Variants in RBFOX1 observed in about 807,000 individuals in gnomAD.
RBFOX1 encodes RNA binding protein fox-1 homolog 1.
RBFOX1 carries 8 observed loss-of-function variants against 57.7 expected under a neutral mutation model. The observed-to-expected ratio is 0.14, with a 90% CI of 0.08 to 0.25. The LOEUF is 0.25. RBFOX1 is among the 10% of genes least tolerant of loss of function. The pLI is 1.00. For synonymous variants in RBFOX1, 326 were observed against 222.4 expected (o/e 1.47, Z -4.15); for missense variants, 611 against 548.5 (o/e 1.11, Z -1.14).
chr16:7,165,965 C>CACAT (rs749385448), intron 4 of RBFOX1, among the ~76,000 whole-genome samples: 9 of 147,314 alleles, frequency 6.1e-5, no homozygotes, highest in African/African-American at 1.8e-4. Context: ...CACACACACA[C>CACAT]ATACATACAT....
Position 5,897,552 on chromosome 16 carries a change from C to T in RBFOX1, c.351+30217C>T, listed in dbSNP as rs112305788. On this transcript the variant is annotated intron_variant, in intron 4 of 19. Coordinates refer to the RBFOX1 transcript ENST00000641259. ...TGGGAAAATATATAGTGATGACCCC[C>T]GGGGTTTGCTCCACTTAATATAAAA... Among the ~76,000 whole-genome samples the T allele has an allele frequency of 3.2e-4, 48 of 152,248 alleles. 1 individual carries two copies. The highest frequency in any genetic ancestry group is 1.1e-3 in the African/African-American group (45 of 41,552).
chr16:5,968,306 A>C (rs749257366), intron 4 of RBFOX1, among the ~76,000 whole-genome samples: 37 of 151,912 alleles, frequency 2.4e-4, no homozygotes, highest in Non-Finnish European at 4.4e-4. Context: ...AACTCCTGAC[A>C]TCACATGATC....
intron 4 of RBFOX1, among the ~76,000 whole-genome samples, chr16:7,272,781 A>G (rs964829729): frequency 3.3e-5 from 5 of 152,102 alleles, no homozygotes; most frequent in Non-Finnish European, 7.4e-5. Flanking sequence ...CTTGCTTTGT[A>G]TTCTTTTCAC....
chr16:5,464,874 C>A (rs993509211), intron 1 of RBFOX1, among the ~76,000 whole-genome samples: 1 of 152,100 alleles, frequency 6.6e-6, no homozygotes, highest in Non-Finnish European at 1.5e-5. Flanking sequence ...GCTCTAGGAG[C>A]CCAGGAGGAA....
chr16:5,570,711 G>A (rs765828125), intron 2 of RBFOX1, among the ~76,000 whole-genome samples: 8 of 151,904 alleles, frequency 5.3e-5, no homozygotes, highest in South Asian at 2.1e-4. Context: ...TTGTTGGTGC[G>A]CACCTGTAAT....
intron 2 of RBFOX1, among the ~76,000 whole-genome samples, chr16:5,491,444 T>C (rs1291275319): frequency 6.6e-6 from 1 of 152,250 alleles, no homozygotes; most frequent in Non-Finnish European, 1.5e-5. Flanking sequence ...TGCATACATA[T>C]ATTCACCAAG....
intron 3 of RBFOX1, among the ~76,000 whole-genome samples, chr16:5,654,360 G>A (rs1317483465): frequency 1.3e-5 from 2 of 152,158 alleles, no homozygotes; most frequent in South Asian, 4.1e-4. Context: ...CTGGAAATGG[G>A]CCATGCTGTA....
intron 14 of RBFOX1, among the ~76,000 whole-genome samples, chr16:7,699,329 G>C (rs369870548): frequency 6.6e-5 from 10 of 152,268 alleles, no homozygotes; most frequent in South Asian, 4.1e-4. Flanking sequence ...GTAGCTGGGA[G>C]TACAGGCAGG....
chr16:5,325,185 T>G (rs2064532621), intron 1 of RBFOX1, among the ~76,000 whole-genome samples: 1 of 152,138 alleles, frequency 6.6e-6, no homozygotes, highest in Admixed American at 6.5e-5. Context: ...TGGCCCTTCT[T>G]CTCTTCCTCT....
At chr16:6,404,680 C>G (rs1028025222) in intron 2 of RBFOX1, among the ~76,000 whole-genome samples, 1 of 152,024 alleles carries the variant, frequency 6.6e-6, no homozygotes, top group African/African-American at 2.4e-5. Context: ...GGGAGAGTAC[C>G]AGGCAAACTT....
chr16:7,586,807 T>A (rs2094149809), intron 6 of RBFOX1, among the ~76,000 whole-genome samples: 1 of 152,196 alleles, frequency 6.6e-6, no homozygotes, highest in South Asian at 2.1e-4. Context: ...GCTCCTAGAT[T>A]TTATGTGAGC....
chr16:7,238,722 C>A (rs1261850877), intron 4 of RBFOX1, among the ~76,000 whole-genome samples: 1 of 152,122 alleles, frequency 6.6e-6, no homozygotes, highest in Non-Finnish European at 1.5e-5. Flanking sequence ...GTTTGTTGTG[C>A]AGATTATTTC....
At chr16:6,529,570 T>G (rs996760084) in intron 2 of RBFOX1, among the ~76,000 whole-genome samples, 4 of 91,130 alleles carry the variant, frequency 4.4e-5, no homozygotes, top group Admixed American at 4.0e-4. Context: ...ATAATAATAA[T>G]TATTATTAAT....
intron 2 of RBFOX1, among the ~76,000 whole-genome samples, chr16:6,462,139 C>A (rs927213017): frequency 6.6e-6 from 1 of 152,050 alleles, no homozygotes; most frequent in Non-Finnish European, 1.5e-5. Context: ...GAAAGAAAAG[C>A]AACTAATATA....
chr16:7,404,028 C>CTTTTA (rs57717446), intron 4 of RBFOX1, among the ~76,000 whole-genome samples: 13,341 of 129,794 alleles, frequency 0.1, 841 homozygotes, highest in South Asian at 0.16. Flanking sequence ...ATTTCATTTC[C>CTTTTA]TTTTATTTTA....
intron 1 of RBFOX1, among the ~76,000 whole-genome samples, chr16:5,272,165 GT>G (rs1370963084): frequency 2.0e-5 from 3 of 152,172 alleles, no homozygotes; most frequent in Non-Finnish European, 4.4e-5. Context: ...GCACAGCAGC[GT>G]GACTATAGTC....
At chr16:5,278,225 G>T (rs545570130) in intron 1 of RBFOX1, among the ~76,000 whole-genome samples, 55 of 152,236 alleles carry the variant, frequency 3.6e-4, no homozygotes, top group Non-Finnish European at 6.9e-4. Flanking sequence ...ATATCTCTTT[G>T]TGGTTTTGAT....
chr16:7,369,423 T>G lies in RBFOX1; in HGVS notation c.28-148724T>G, dbSNP rs138573783. Among the ~76,000 whole-genome samples, 41 of 152,234 alleles carry G rather than the reference T, an allele frequency of 2.7e-4. No homozygotes were observed. The East Asian group carries it at 6.6e-3, about 24-fold the overall frequency. On this transcript the variant is annotated intron_variant, in intron 4 of 15. Transcript: ENST00000550418. ...AGCCCTTTCATCTCTCCTCTCACTA[T>G]TAATTCATCTGTTTGGATGGATATG...
intron 2 of RBFOX1, among the ~76,000 whole-genome samples, chr16:5,580,449 C>G (rs1017417976): frequency 6.6e-6 from 1 of 152,194 alleles, no homozygotes; most frequent in African/African-American, 2.4e-5. Context: ...AGTGGTTGTA[C>G]GGATGGCCCC....
Sources: allele counts gnomAD v4.1 joint callset (sites outside exome capture counted in the v4.1 genomes callset), GRCh38; gene constraint gnomAD v4.1.1; transcripts MANE v1.5; gene names NCBI Gene and HGNC (gene_info 2026-07-23, HGNC 2026-07-21).